The following DEPDC7 variants were observed in gnomAD, a reference collection of about 807,000 sequenced individuals.
DEPDC7 encodes DEP domain-containing protein 7.
A neutral mutation model predicts 56.6 loss-of-function variants in DEPDC7; 41 were observed. That is an observed-to-expected ratio of 0.72 (90% CI 0.56 to 0.94). DEPDC7 has a LOEUF of 0.94. Ranked by LOEUF, DEPDC7 falls within the 40% of genes least tolerant of loss-of-function variation. DEPDC7 has a pLI of 0.00. For synonymous variants in DEPDC7, 185 were observed against 208.8 expected, an observed-to-expected ratio of 0.89 and a Z score of 0.98; for missense variants, 522 against 596.3, an observed-to-expected ratio of 0.88 and a Z score of 1.30.
At chr11:33,017,409 T>G (rs1853475569) in intron 1 of DEPDC7, among the ~76,000 whole-genome samples, 1 of 152,218 alleles carries the variant, frequency 6.6e-6, no homozygotes. Context: ...CTTTGGGCAT[T>G]TGTGAACAGG....
At chr11:33,033,184 C>G in intron 8 of DEPDC7, 78 bp from the exon 9 acceptor site, 2 of 1,177,090 alleles carry the variant, frequency 1.7e-6, no homozygotes, top group Non-Finnish European at 2.4e-6. Context: ...AACATAAAGA[C>G]AAGAATATTG....
At chr11:33,023,595 A>C (rs1054962036) in intron 1 of DEPDC7, among the ~76,000 whole-genome samples, 1 of 152,062 alleles carries the variant, frequency 6.6e-6, no homozygotes, top group African/African-American at 2.4e-5. Flanking sequence ...GTGCAGTGGC[A>C]CTATCTTGGC....
In DEPDC7 at chr11:33,032,380, C is replaced by A; in HGVS notation, c.1039C>A (p.Leu347Ile). 1 of 1,577,644 alleles carries A rather than the reference C, an allele frequency of 6.3e-7. No homozygotes were observed. The highest frequency in any genetic ancestry group is 8.5e-7 in the Non-Finnish European group (1 of 1,170,418). Reference sequence around the variant, plus strand: ...AGCTTTAGAAGCTACCCAGCTCCTTCTAAAGCTTTTAGATTTCCAAAATAG... The same window carrying A: ...AGCTTTAGAAGCTACCCAGCTCCTTATAAAGCTTTTAGATTTCCAAAATAG... ...EIALEATQLL[L>I]KLLDFQNREE... Residue 347 changes from leucine to isoleucine, a missense_variant, in exon 6 of 9, where the codon CTA becomes ATA. Coordinates refer to ENST00000241051, the MANE Select transcript of DEPDC7 (RefSeq NM_001077242.2).
At chr11:33,028,208 CT>C (rs1337191529) in intron 3 of DEPDC7, 1 of 194,102 alleles carries the variant, frequency 5.2e-6, no homozygotes, top group Non-Finnish European at 1.0e-5. Context: ...AGTTTAATGA[CT>C]TTAATTTCCA....
At chr11:33,019,685 G>GT (rs1479944885) in intron 1 of DEPDC7, among the ~76,000 whole-genome samples, 1 of 152,042 alleles carries the variant, frequency 6.6e-6, no homozygotes, top group East Asian at 1.9e-4. Context: ...AAAAAAGTAA[G>GT]TTTTTTAGTA....
intron 1 of DEPDC7, among the ~76,000 whole-genome samples, chr11:33,018,181 A>G (rs938319975): frequency 2.6e-5 from 4 of 152,252 alleles, no homozygotes; most frequent in Non-Finnish European, 4.4e-5. Flanking sequence ...ACCAGAACCA[A>G]TATCCAGTAA....
chr11:33,025,712 A>G lies in DEPDC7; in HGVS notation c.127A>G (p.Ile43Val). The part of the protein sequence containing the change: ...FGATYVWSSI[I>V]NTLQTQVEVK... ...AGCCACGTATGTATGGAGCAGCATC[A>G]TAAACACTCTTCAAACACAAGTGGA... The change falls in exon 2 of 9, where the codon ATA (isoleucine) becomes GTA (valine). Residue 43 changes from isoleucine to valine, a missense_variant. By Grantham distance (29) the Ile-to-Val change is conservative. Coordinates refer to ENST00000241051, the MANE Select transcript of DEPDC7 (RefSeq NM_001077242.2). 1.2e-6 allele frequency: 2 copies of G among 1,614,166 alleles called. No individual in the cohort carries two copies. Among genetic ancestry groups the G allele is most frequent in the South Asian group, 1.1e-5 (1 of 91,084 alleles).
At position 33,031,426 on chromosome 11, in the gene DEPDC7, A is replaced by G; in HGVS notation, c.831A>G (p.Pro277=). The part of the protein sequence containing the change: ...SAAIDCLEYL[P]DQMVVEISRS... Reference sequence around the variant, plus strand: ...CAATTGACTGTTTAGAATACCTTCCAGACCAAATGGTGGTGGAAATAAGCA... The same window carrying G: ...CAATTGACTGTTTAGAATACCTTCCGGACCAAATGGTGGTGGAAATAAGCA... The change falls in exon 5 of 9, where the codon CCA becomes CCG. Residue 277 remains proline, a synonymous_variant. Coordinates refer to ENST00000241051, the MANE Select transcript of DEPDC7 (RefSeq NM_001077242.2). The G allele has an allele frequency of 6.2e-7, 1 of 1,614,224 alleles. No homozygotes were observed. Among genetic ancestry groups the G allele is most frequent in the Non-Finnish European group, 8.5e-7 (1 of 1,180,030 alleles).
chr11:33,020,350 T>A (rs1462282557), intron 1 of DEPDC7, among the ~76,000 whole-genome samples: 2 of 152,188 alleles, frequency 1.3e-5, no homozygotes, highest in Non-Finnish European at 2.9e-5. Context: ...TTCAAATACA[T>A]GTGAAGGGCA....
chr11:33,025,859 C>G lies in DEPDC7; in HGVS notation c.274C>G (p.Arg92Gly). 6.2e-7 allele frequency: 1 copy of G among 1,614,110 alleles called. No individual in the cohort carries two copies. Among genetic ancestry groups the G allele is most frequent in the Non-Finnish European group, 8.5e-7 (1 of 1,180,006 alleles). Residue 92 changes from arginine (R) to glycine (G), a missense_variant, in exon 2 of 9, where the codon CGA becomes GGA. Physicochemically the swap from Arg to Gly is moderately radical, Grantham distance 125. Transcript: ENST00000241051. ...GTATTTTGGTGATGTAGATATTCCT[C>G]GAGCCAAAGTGGTGAGAGTGTGTCA... ...NKYFGDVDIPRAKVVRVCQAL... is the reference protein window; with the variant it reads ...NKYFGDVDIPGAKVVRVCQAL...
chr11:33,019,240 TA>T (rs1336612452), intron 1 of DEPDC7, among the ~76,000 whole-genome samples: 7 of 152,300 alleles, frequency 4.6e-5, no homozygotes, highest in Admixed American at 6.5e-5. Flanking sequence ...GTAAGATGTT[TA>T]GTAGCATCCC....
intron 1 of DEPDC7, 194 bp downstream of exon 1, chr11:33,016,222 T>C: frequency 7.6e-7 from 1 of 1,307,428 alleles, no homozygotes; most frequent in Non-Finnish European, 9.7e-7. Flanking sequence ...CCTCTCTGGC[T>C]GGTGGGCTGC....
chr11:33,025,589 A>G (rs1590208200), intron 1 of DEPDC7, 70 bp from the exon 2 acceptor site: 1 of 1,453,286 alleles, frequency 6.9e-7, no homozygotes, highest in Admixed American at 2.2e-5. Flanking sequence ...TTGCCTAAGG[A>G]TTGCTTAGAC....
rs202173561 is a variant in DEPDC7, at chr11:33,025,975, C to T, written c.390C>T (p.Ser130=). ...KKPTFEDSSC[S]LYRFTTIPNQ... ...CTACATTTGAAGATAGTAGTTGCAG[C>T]CTTTATAGATTCACCACAATACCTA... Residue 130 remains serine (S), a synonymous_variant, in exon 2 of 9, where the codon AGC becomes AGT. Transcript: ENST00000241051. The T allele has an allele frequency of 1.2e-6, 2 of 1,614,030 alleles. No homozygotes were observed. The highest frequency in any genetic ancestry group is 1.7e-6 in the Non-Finnish European group (2 of 1,179,990).
chr11:33,016,424 C>A, intron 1 of DEPDC7: 1 of 1,546,702 alleles, frequency 6.5e-7, no homozygotes, highest in Non-Finnish European at 8.7e-7. Flanking sequence ...CTGTCTCAAC[C>A]ACAAACCTTG....
At chr11:33,022,797 A>G (rs1853536099) in intron 1 of DEPDC7, among the ~76,000 whole-genome samples, 1 of 152,188 alleles carries the variant, frequency 6.6e-6, no homozygotes, top group Non-Finnish European at 1.5e-5. Flanking sequence ...TAAATACTGT[A>G]CCAAGAGTAG....
chr11:33,016,162 A>G (rs1853457464), intron 1 of DEPDC7, 134 bp downstream of exon 1: 1 of 1,255,500 alleles, frequency 8.0e-7, no homozygotes, highest in African/African-American at 1.6e-5. Context: ...CGAGCACAGC[A>G]CAGCTGCGAC....
At chr11:33,032,074 TG>T (rs59642777) in intron 5 of DEPDC7, among the ~76,000 whole-genome samples, 5,788 of 152,270 alleles carry the variant, frequency 0.038, 383 homozygotes, top group African/African-American at 0.13. Context: ...AAAAACAGAA[TG>T]GGATTTTATC....
Position 33,025,814 on chromosome 11 carries a change from T to TC in DEPDC7, c.230dup (p.His78SerfsTer6). ...TTCAGAAGCTGTGGATGTCATTTTT[T>TC]CTCACCTAATTCAGAATAAGTATTT... On this transcript the variant is annotated frameshift_variant, in exon 2 of 9. Coordinates refer to ENST00000241051, the MANE Select transcript of DEPDC7 (RefSeq NM_001077242.2). LOFTEE classifies it high-confidence loss of function. The TC allele has an allele frequency of 6.2e-7, 1 of 1,614,206 alleles. No homozygotes were observed. The highest frequency in any genetic ancestry group is 1.1e-5 in the South Asian group (1 of 91,088).
Sources: gnomAD v4.1 joint callset for allele counts (sites outside exome capture counted in the v4.1 genomes callset) on GRCh38, gnomAD v4.1.1 for gene constraint, MANE v1.5 for transcripts, NCBI Gene and HGNC (gene_info 2026-07-23, HGNC 2026-07-21) for gene names.